The following GNAO1 variants were observed in gnomAD, a reference collection of about 807,000 sequenced individuals.
GNAO1 encodes the protein guanine nucleotide-binding protein G(o) subunit alpha.
For missense variants in GNAO1, 166 were observed against 478.7 expected, an observed-to-expected ratio of 0.35 and a Z score of 6.10; for synonymous variants, 164 against 180.7, an observed-to-expected ratio of 0.91 and a Z score of 0.74.
intron 2 of GNAO1, among the ~76,000 whole-genome samples, chr16:56,252,632 C>T (rs916143941): frequency 6.6e-6 from 1 of 152,204 alleles, no homozygotes; most frequent in Non-Finnish European, 1.5e-5. Context: ...CCACCCAGCA[C>T]GACGTCTGGC....
intron 2 of GNAO1, among the ~76,000 whole-genome samples, chr16:56,238,607 C>G (rs1330571509): frequency 6.6e-6 from 1 of 152,230 alleles, no homozygotes; most frequent in African/African-American, 2.4e-5. Flanking sequence ...AGCAATTGTT[C>G]CCCCTCAAGT....
chr16:56,317,043 A>G (rs900564885), intron 3 of GNAO1, among the ~76,000 whole-genome samples: 3 of 152,222 alleles, frequency 2.0e-5, no homozygotes, highest in Non-Finnish European at 4.4e-5. Context: ...GTTTCTGTCT[A>G]GGAAAAACCT....
intron 6 of GNAO1, among the ~76,000 whole-genome samples, chr16:56,337,295 G>T (rs530064913): frequency 6.6e-6 from 1 of 152,226 alleles, no homozygotes; most frequent in Non-Finnish European, 1.5e-5. Flanking sequence ...GCATGGGGCC[G>T]GGGATGCTGA....
intron 6 of GNAO1, chr16:56,345,138 GGGTAGCTTCTCCCGGTGACGGTGACGCA>G (rs1418105235): frequency 2.6e-5 from 26 of 985,664 alleles, no homozygotes; most frequent in Non-Finnish European, 3.0e-5. Flanking sequence ...GAAGGGGGCG[GGGTAGCTTCTCCCGGTGACGGTGACGCA>G]GGTCTGGCTG....
chr16:56,265,722 A>G (rs1459691500), intron 2 of GNAO1, among the ~76,000 whole-genome samples: 1 of 152,156 alleles, frequency 6.6e-6, no homozygotes, highest in Non-Finnish European at 1.5e-5. Flanking sequence ...TGCCATTTAA[A>G]AGTGATCCAC....
intron 2 of GNAO1, among the ~76,000 whole-genome samples, chr16:56,231,686 GA>G (rs1390017305): frequency 1.3e-5 from 2 of 152,220 alleles, no homozygotes; most frequent in Non-Finnish European, 2.9e-5. Context: ...GACTGTGTTT[GA>G]AAAGAGCTGC....
At chr16:56,243,688 T>G (rs1405812057) in intron 2 of GNAO1, among the ~76,000 whole-genome samples, 1 of 152,180 alleles carries the variant, frequency 6.6e-6, no homozygotes, top group African/African-American at 2.4e-5. Context: ...AGGGTTATTT[T>G]TTTTTTAGCA....
At chr16:56,309,749 C>G (rs16956308) in intron 3 of GNAO1, among the ~76,000 whole-genome samples, 1 of 152,192 alleles carries the variant, frequency 6.6e-6, no homozygotes, top group Non-Finnish European at 1.5e-5. Context: ...TGCTCCTGTG[C>G]GTGCCGCTCT....
At chr16:56,346,385 A>T in intron 6 of GNAO1, 5 of 985,420 alleles carry the variant, frequency 5.1e-6, no homozygotes, top group East Asian at 1.1e-4. Flanking sequence ...AACCTCTCCG[A>T]TGGCTCGGAT....
intron 2 of GNAO1, among the ~76,000 whole-genome samples, chr16:56,222,816 T>G (rs1453082032): frequency 6.6e-6 from 1 of 152,128 alleles, no homozygotes; most frequent in African/African-American, 2.4e-5. Context: ...ACGGCTTTGC[T>G]GCTAGATGGT....
At chr16:56,346,003 C>A in intron 6 of GNAO1, 1 of 985,046 alleles carries the variant, frequency 1.0e-6, no homozygotes. Flanking sequence ...GCCTCCAATC[C>A]AGGCCTTCCC....
intron 6 of GNAO1, among the ~76,000 whole-genome samples, chr16:56,342,933 C>T (rs565071934): frequency 3.4e-4 from 51 of 149,888 alleles, no homozygotes; most frequent in African/African-American, 1.2e-3. Flanking sequence ...GCCAACATGG[C>T]GAAAACCCAT....
chr16:56,300,036 T>TGTGTGTGTGTGTGC (rs753591618), intron 3 of GNAO1, among the ~76,000 whole-genome samples: 145 of 95,164 alleles, frequency 1.5e-3, no homozygotes, highest in African/African-American at 2.9e-3. Flanking sequence ...TGTGTGTGTG[T>TGTGTGTGTGTGTGC]GCGCGCGCGC....
intron 2 of GNAO1, among the ~76,000 whole-genome samples, chr16:56,216,425 T>A (rs1013228957): frequency 6.6e-6 from 1 of 152,156 alleles, no homozygotes; most frequent in Non-Finnish European, 1.5e-5. Context: ...TTTTCCCTAC[T>A]CAACTCTTAG....
chr16:56,231,119 C>A (rs537587982), intron 2 of GNAO1, among the ~76,000 whole-genome samples: 1 of 152,192 alleles, frequency 6.6e-6, no homozygotes, highest in Non-Finnish European at 1.5e-5. Context: ...CAGGATGACA[C>A]CATTACCTGG....
chr16:56,220,878 C>T (rs1596804498), intron 2 of GNAO1, among the ~76,000 whole-genome samples: 1 of 152,002 alleles, frequency 6.6e-6, no homozygotes, highest in African/African-American at 2.4e-5. Context: ...CACCTGAGTA[C>T]CTGGGATTAC....
intron 2 of GNAO1, among the ~76,000 whole-genome samples, chr16:56,232,104 G>A (rs566032742): frequency 2.0e-5 from 3 of 152,042 alleles, no homozygotes; most frequent in South Asian, 2.1e-4. Context: ...AGGCGTTGAC[G>A]GATGTCTGCT....
At chr16:56,348,341 G>A (rs2037892204) in intron 6 of GNAO1, 1 of 232,616 alleles carries the variant, frequency 4.3e-6, no homozygotes, top group Non-Finnish European at 7.1e-6. Flanking sequence ...TGGGGACAGA[G>A]GATCAGGGCG....
chr16:56,295,317 T>C (rs1596848019), intron 3 of GNAO1, among the ~76,000 whole-genome samples: 1 of 152,058 alleles, frequency 6.6e-6, no homozygotes, highest in African/African-American at 2.4e-5. Context: ...GATGGGCAGG[T>C]CCTTCTCGTC....
Sources: allele counts gnomAD v4.1 joint callset (sites outside exome capture counted in the v4.1 genomes callset), GRCh38; gene constraint gnomAD v4.1.1; transcripts MANE v1.5; gene names NCBI Gene and HGNC (gene_info 2026-07-23, HGNC 2026-07-21).